The following RNF41 variants were observed in gnomAD, a reference collection of about 807,000 sequenced individuals.
The protein encoded by RNF41 is ring finger protein 41, also known as E3 ubiquitin-protein ligase NRDP1.
In RNF41, 4 loss-of-function variants were observed where a neutral mutation model predicts 33.0. The observed-to-expected ratio is 0.12, with a 90% CI of 0.06 to 0.28. RNF41 has a LOEUF of 0.28. Ranked by LOEUF, RNF41 falls within the 10% of genes least tolerant of loss-of-function variation. The probability of loss-of-function intolerance (pLI) is 1.00; values close to 1 mark genes in which losing one functional copy is unlikely to be tolerated. For missense variants in RNF41, 228 were observed against 432.6 expected (o/e 0.53, Z 4.19); for synonymous variants, 164 against 153.2 (o/e 1.07, Z -0.52).
Position 56,202,680 on chromosome 12 carries a change from A to G in RNF41, c.*3767T>C, listed in dbSNP as rs2135793483. ...CGTCCTTGGCTCACATATTACTAGTAAATCCACTTAGCACATTTATGATCC... is the reference window on the plus strand; with the variant it reads ...CGTCCTTGGCTCACATATTACTAGTGAATCCACTTAGCACATTTATGATCC... On this transcript the variant is annotated 3_prime_UTR_variant, in exon 7 of 7. Transcript: ENST00000345093. The G allele has an allele frequency of 6.6e-6, 1 of 152,272 alleles. No homozygotes were observed. The highest frequency in any genetic ancestry group is 1.5e-5 in the Non-Finnish European group (1 of 68,028). 9.4% of individuals were successfully genotyped at this position (152,272 alleles called of 1,614,324 possible). A position where few individuals can be genotyped will look rare whatever the true frequency, so the allele number is the denominator to read the frequency against.
In RNF41 at chr12:56,205,541, C is replaced by A. The variant is rs1868252114; in HGVS notation, c.*906G>T. The A allele has an allele frequency of 6.9e-6, 1 of 145,662 alleles. No individual in the cohort carries two copies. Among genetic ancestry groups the A allele is most frequent in the Non-Finnish European group, 1.5e-5 (1 of 66,918 alleles). The allele number at this position is 145,662 out of a possible 1,614,324, so 9.0% of individuals were successfully genotyped here. On this transcript the variant is annotated 3_prime_UTR_variant, in exon 7 of 7. Transcript: ENST00000345093. ...ATTGCCAACAATGTGGCTGAGATAG[C>A]CATGATCAGGCCATTCTTAAAAAAA...
chr12:56,210,416 A>G lies in RNF41; in HGVS notation c.243T>C (p.Ile81=). The change falls in exon 4 of 7, where the codon ATT becomes ATC. Residue 81 remains isoleucine, a synonymous_variant. Coordinates refer to ENST00000345093, the MANE Select transcript of RNF41 (RefSeq NM_005785.4). The stretch of plus-strand genomic sequence containing the variant: ...AGCCGAACACAGCGTTGTCACAGGC[A>G]ATCTGCAGCTTTGACAACATGTTCC... ...IMRNMLSKLQ[I]ACDNAVFGCS... is the part of the protein sequence containing the mutation. The G allele has an allele frequency of 6.2e-7, 1 of 1,614,228 alleles. No individual in the cohort carries two copies. Among genetic ancestry groups the G allele is most frequent in the Non-Finnish European group, 8.5e-7 (1 of 1,180,034 alleles).
chr12:56,217,195 G>A (rs1488923624), intron 1 of RNF41, among the ~76,000 whole-genome samples: 5 of 149,702 alleles, frequency 3.3e-5, no homozygotes, highest in African/African-American at 1.2e-4. Context: ...GGAGATTTAA[G>A]ATTCTTTTAT....
At chr12:56,213,432 C>T (rs926441541) in intron 3 of RNF41, among the ~76,000 whole-genome samples, 1 of 152,074 alleles carries the variant, frequency 6.6e-6, no homozygotes, top group East Asian at 1.9e-4. Context: ...AACTCGTGAT[C>T]CACCCACCTT....
intron 2 of RNF41, among the ~76,000 whole-genome samples, chr12:56,214,413 G>A (rs933599466): frequency 4.8e-4 from 72 of 151,466 alleles, no homozygotes; most frequent in African/African-American, 1.6e-3. Context: ...CCAGCTACTC[G>A]GGAGGCTGAG....
At chr12:56,208,810 C>A (rs899808876) in intron 4 of RNF41, among the ~76,000 whole-genome samples, 1 of 151,568 alleles carries the variant, frequency 6.6e-6, no homozygotes, top group African/African-American at 2.4e-5. Context: ...ACGTGATCTG[C>A]CCCCCTCGGC....
intron 2 of RNF41, among the ~76,000 whole-genome samples, chr12:56,215,422 TAAA>T (rs1868803143): frequency 6.6e-6 from 1 of 151,594 alleles, no homozygotes; most frequent in Non-Finnish European, 1.5e-5. Flanking sequence ...GTGATGGGGA[TAAA>T]GAAGAGAAGA....
chr12:56,210,650 C>T, intron 3 of RNF41, 82 bp from the exon 4 acceptor site: 2 of 1,429,370 alleles, frequency 1.4e-6, no homozygotes, highest in Non-Finnish European at 9.6e-7. Context: ...TCTACAAAGC[C>T]AATCAAGCCT....
At position 56,205,872 on chromosome 12, in the gene RNF41, C is replaced by G. The variant is rs1480201253; in HGVS notation, c.*575G>C. On this transcript the variant is annotated 3_prime_UTR_variant, in exon 7 of 7. Coordinates refer to ENST00000345093, the MANE Select transcript of RNF41 (RefSeq NM_005785.4). ...TATCCCAACCTGCATACTGGTAGAC[C>G]CAGTGGGTGCCTACACCTTTAAGGT... The G allele has an allele frequency of 6.5e-6, 1 of 153,110 alleles. No homozygotes were observed. The highest frequency in any genetic ancestry group is 1.5e-5 in the Non-Finnish European group (1 of 68,580). 9.5% of individuals were successfully genotyped at this position (153,110 alleles called of 1,614,324 possible).
rs1869495639 is a variant in RNF41, at chr12:56,221,915, C to T, written c.-364G>A. ...AGAAGACTCCTACCACTCGTCGCCGCCTCAGACGGATCCTTTGCCCCGCCC... is the reference window on the plus strand; with the variant it reads ...AGAAGACTCCTACCACTCGTCGCCGTCTCAGACGGATCCTTTGCCCCGCCC... On this transcript the variant is annotated 5_prime_UTR_variant, in exon 1 of 7. Transcript: ENST00000345093. The T allele has an allele frequency of 6.6e-6, 1 of 152,556 alleles. No homozygotes were observed. The highest frequency in any genetic ancestry group is 1.9e-4 in the East Asian group (1 of 5,198). 9.5% of individuals were successfully genotyped at this position (152,556 alleles called of 1,614,324 possible).
At chr12:56,220,730 C>CAA (rs113806744) in intron 1 of RNF41, among the ~76,000 whole-genome samples, 8 of 82,486 alleles carry the variant, frequency 9.7e-5, no homozygotes, top group African/African-American at 1.4e-4. Context: ...GACTCCGTTT[C>CAA]AAAAAAAAAA....
chr12:56,213,356 C>T (rs1007664744), intron 3 of RNF41, among the ~76,000 whole-genome samples: 15 of 152,030 alleles, frequency 9.9e-5, no homozygotes, highest in South Asian at 6.2e-4. Context: ...TGTGCCACCA[C>T]GCCCAGCTAA....
intron 2 of RNF41, among the ~76,000 whole-genome samples, chr12:56,215,853 G>A (rs1868849033): frequency 6.6e-6 from 1 of 152,096 alleles, no homozygotes; most frequent in Non-Finnish European, 1.5e-5. Flanking sequence ...TGGGCGCAGT[G>A]GCTCACGCCT....
intron 2 of RNF41, among the ~76,000 whole-genome samples, chr12:56,215,706 C>T (rs1337675216): frequency 1.1e-3 from 133 of 117,422 alleles, no homozygotes; most frequent in Non-Finnish European, 6.6e-4. Flanking sequence ...TGACAGAGCA[C>T]GACTCTGTCT....
intron 1 of RNF41, 85 bp downstream of exon 1, chr12:56,221,675 C>G (rs1286697199): frequency 2.6e-5 from 4 of 152,416 alleles, no homozygotes; most frequent in Non-Finnish European, 5.9e-5. Context: ...TTATTTCAAC[C>G]CCCCGCCCCA....
intron 1 of RNF41, 144 bp downstream of exon 1, chr12:56,221,616 C>G (rs1198764876): frequency 6.5e-6 from 1 of 152,762 alleles, no homozygotes; most frequent in Non-Finnish European, 1.5e-5. Context: ...CAGTGCTGCT[C>G]CCTTCTCACA....
chr12:56,212,625 C>T (rs1341962541), intron 3 of RNF41, among the ~76,000 whole-genome samples: 1 of 152,064 alleles, frequency 6.6e-6, no homozygotes, highest in Non-Finnish European at 1.5e-5. Flanking sequence ...ACTTGCTCCA[C>T]ACCCATCTAA....
intron 3 of RNF41, among the ~76,000 whole-genome samples, chr12:56,212,822 A>C (rs1036908022): frequency 3.9e-5 from 6 of 152,196 alleles, no homozygotes; most frequent in African/African-American, 1.4e-4. Flanking sequence ...GAATGGGGGA[A>C]GGGCCATGAA....
In RNF41 at chr12:56,210,458, T is replaced by G. The variant is rs1868391171; in HGVS notation, c.201A>C (p.Pro67=). ...ACATGTTCCGCATGATCCGAGGTAC[T>G]GGGCGCAGATGGGCGACCGTCACAA... The part of the protein sequence containing the change: ...RSVVTVAHLR[P]VPRIMRNMLS... Residue 67 remains proline (P), a synonymous_variant, in exon 4 of 7, where the codon CCA becomes CCC. Transcript: ENST00000345093. 1 of 1,614,200 alleles carries G rather than the reference T, an allele frequency of 6.2e-7. No individual in the cohort carries two copies. Among genetic ancestry groups the G allele is most frequent in the East Asian group, 2.2e-5 (1 of 44,886 alleles).
Sources: gnomAD v4.1 joint callset for allele counts (sites outside exome capture counted in the v4.1 genomes callset) on GRCh38, gnomAD v4.1.1 for gene constraint, MANE v1.5 for transcripts, NCBI Gene and HGNC (gene_info 2026-07-23, HGNC 2026-07-21) for gene names.